The following GRM7 variants were observed in gnomAD, a reference collection of about 807,000 sequenced individuals.
The protein encoded by GRM7 is glutamate metabotropic receptor 7, also known as metabotropic glutamate receptor 7.
Under a neutral mutation model 84.5 loss-of-function variants are expected in GRM7, and 35 were observed. That is an observed-to-expected ratio of 0.41 (90% CI 0.32 to 0.55). GRM7 has a LOEUF of 0.55. Ranked by LOEUF, GRM7 falls within the 20% of genes least tolerant of loss-of-function variation. The pLI is 0.19. For synonymous variants in GRM7, 487 were observed against 455.1 expected (o/e 1.07, Z -0.89); for missense variants, 1,003 against 1,194.6 (o/e 0.84, Z 2.36).
intron 9 of GRM7, among the ~76,000 whole-genome samples, chr3:7,704,881 C>T (rs1183582630): frequency 6.6e-6 from 1 of 152,150 alleles, no homozygotes; most frequent in African/African-American, 2.4e-5. Context: ...TAGAGAACCT[C>T]CTTGGCCATG....
intron 1 of GRM7, among the ~76,000 whole-genome samples, chr3:6,957,126 TGC>T (rs1440567295): frequency 6.6e-6 from 1 of 152,244 alleles, no homozygotes; most frequent in Non-Finnish European, 1.5e-5. Flanking sequence ...TTTTTAAGAT[TGC>T]CTTTGGACCC....
chr3:7,451,568 A>G (rs1205148284), intron 5 of GRM7, among the ~76,000 whole-genome samples: 1 of 152,174 alleles, frequency 6.6e-6, no homozygotes, highest in Non-Finnish European at 1.5e-5. Flanking sequence ...GGCAGGGTCC[A>G]GGTAATGAAA....
At chr3:7,714,703 C>T (rs2125168097) in intron 9 of GRM7, among the ~76,000 whole-genome samples, 1 of 152,266 alleles carries the variant, frequency 6.6e-6, no homozygotes, top group Admixed American at 6.5e-5. Flanking sequence ...TTGTACCAGC[C>T]AAGAGCCCAC....
chr3:7,406,642 G>A (rs548269811), intron 4 of GRM7, among the ~76,000 whole-genome samples: 1 of 151,986 alleles, frequency 6.6e-6, no homozygotes, highest in African/African-American at 2.4e-5. Flanking sequence ...TGTTGTGATG[G>A]GGCATTTTAA....
At chr3:7,394,451 A>T (rs555250417) in intron 4 of GRM7, among the ~76,000 whole-genome samples, 1 of 152,170 alleles carries the variant, frequency 6.6e-6, no homozygotes, top group Non-Finnish European at 1.5e-5. Context: ...ACTGAAAGAG[A>T]AACTTCATGT....
intron 7 of GRM7, among the ~76,000 whole-genome samples, chr3:7,529,076 C>G (rs1396227640): frequency 6.6e-6 from 1 of 151,912 alleles, no homozygotes; most frequent in Non-Finnish European, 1.5e-5. Flanking sequence ...AGTTTTCTGC[C>G]TTGATCTGTC....
Position 7,188,220 on chromosome 3 carries a change from G to A in GRM7, c.736+41552G>A, listed in dbSNP as rs552277316. On this transcript the variant is annotated intron_variant, in intron 2 of 9. Transcript: ENST00000357716. The surrounding 1 kb of genome is among the most constrained non-coding windows in gnomAD (Gnocchi z 4.2). ...TTCAGAGAATCACTGGCAGCAAGAG[G>A]GAAGATCAGCATTATCAGCCTGCAG... Among the ~76,000 whole-genome samples the A allele has an allele frequency of 6.6e-6, 1 of 152,064 alleles. No homozygotes were observed. Among genetic ancestry groups the A allele is most frequent in the Non-Finnish European group, 1.5e-5 (1 of 68,034 alleles).
chr3:7,627,943 T>G (rs1441546829), intron 8 of GRM7, among the ~76,000 whole-genome samples: 1 of 152,136 alleles, frequency 6.6e-6, no homozygotes, highest in Non-Finnish European at 1.5e-5. Context: ...GGCATTCTGG[T>G]GAGGTACTAG....
intron 1 of GRM7, among the ~76,000 whole-genome samples, chr3:6,934,368 C>T (rs533690646): frequency 8.6e-5 from 13 of 151,924 alleles, no homozygotes; most frequent in Non-Finnish European, 1.5e-4. Flanking sequence ...GGCACAGATA[C>T]AATAGTAAGG....
chr3:6,984,488 A>T (rs955169782), intron 1 of GRM7, among the ~76,000 whole-genome samples: 12 of 151,924 alleles, frequency 7.9e-5, no homozygotes, highest in Admixed American at 7.2e-4. Flanking sequence ...TGTGTTATCT[A>T]TTTTTTTTCA....
intron 7 of GRM7, among the ~76,000 whole-genome samples, chr3:7,557,883 C>A (rs1402965832): frequency 6.6e-6 from 1 of 151,996 alleles, no homozygotes; most frequent in Admixed American, 6.6e-5. Flanking sequence ...GGGGAGTGAC[C>A]CTCAGAAATA....
At position 6,861,875 on chromosome 3, in the gene GRM7, A is replaced by G; in HGVS notation, c.487A>G (p.Ile163Val). ...VIGASGSSVS[I>V]MVANILRLFQ... Reference sequence around the variant, plus strand: ...TGGGGCTTCGGGGAGTTCGGTCTCCATCATGGTAGCCAACATCCTGAGGCT... The same window carrying G: ...TGGGGCTTCGGGGAGTTCGGTCTCCGTCATGGTAGCCAACATCCTGAGGCT... The change falls in exon 1 of 10, where the codon ATC (isoleucine) becomes GTC (valine). Residue 163 changes from isoleucine to valine, a missense_variant. Physicochemically the swap from Ile to Val is conservative, Grantham distance 29. This residue lies in a region of GRM7 where 910 missense variants were observed against 1,126.0 expected (regional missense o/e 0.81). Coordinates refer to ENST00000357716, the MANE Select transcript of GRM7 (RefSeq NM_000844.4). This position sits in a 1 kb window ranked among gnomAD's most constrained non-coding sequence, Gnocchi z 6.4. 6.2e-7 allele frequency: 1 copy of G among 1,613,454 alleles called. No individual in the cohort carries two copies. Among genetic ancestry groups the G allele is most frequent in the South Asian group, 1.1e-5 (1 of 91,032 alleles).
intron 1 of GRM7, among the ~76,000 whole-genome samples, chr3:7,050,686 T>A (rs143924179): frequency 3.0e-4 from 45 of 152,074 alleles, no homozygotes; most frequent in African/African-American, 1.0e-3. Context: ...CCACAAAAGT[T>A]TATTCCAATT....
chr3:7,303,034 G>A (rs924775190), intron 3 of GRM7, among the ~76,000 whole-genome samples: 6 of 147,892 alleles, frequency 4.1e-5, no homozygotes, highest in Middle Eastern at 3.5e-3. Context: ...TCCACCTCCC[G>A]GGTTCATGCC....
At chr3:7,198,168 A>AAG (rs1553630537) in intron 2 of GRM7, among the ~76,000 whole-genome samples, 37 of 151,200 alleles carry the variant, frequency 2.4e-4, no homozygotes, top group African/African-American at 7.4e-4. Flanking sequence ...AAAAAAAAAA[A>AAG]AGAGAGAGAT....
chr3:6,940,405 T>C (rs1467385389), intron 1 of GRM7, among the ~76,000 whole-genome samples: 1 of 152,150 alleles, frequency 6.6e-6, no homozygotes, highest in Non-Finnish European at 1.5e-5. Context: ...TTAATTTAAG[T>C]GAGAAATTTG....
chr3:6,961,930 A>T (rs1693316582), intron 1 of GRM7, among the ~76,000 whole-genome samples: 2 of 152,206 alleles, frequency 1.3e-5, no homozygotes, highest in Non-Finnish European at 2.9e-5. Flanking sequence ...AAAATAAACT[A>T]ACTACAAACT....
chr3:7,097,932 T>C (rs1698913871), intron 1 of GRM7, among the ~76,000 whole-genome samples: 1 of 152,086 alleles, frequency 6.6e-6, no homozygotes, highest in African/African-American at 2.4e-5. Context: ...GTTGAGGAGA[T>C]GAGTGTCTAA....
intron 1 of GRM7, among the ~76,000 whole-genome samples, chr3:7,145,902 C>G (rs1416665111): frequency 6.6e-6 from 1 of 152,092 alleles, no homozygotes; most frequent in Non-Finnish European, 1.5e-5. Context: ...TTCCCTGGGG[C>G]AAAGGGTATT....
Sources: allele counts gnomAD v4.1 joint callset (sites outside exome capture counted in the v4.1 genomes callset), GRCh38; gene constraint gnomAD v4.1.1; regional missense constraint gnomAD v4.1.1; non-coding constraint Gnocchi (gnomAD v3.1); transcripts MANE v1.5; gene names NCBI Gene and HGNC (gene_info 2026-07-23, HGNC 2026-07-21).